The following LOC128092252 variants were observed in gnomAD, a reference collection of about 807,000 sequenced individuals.
At chr15:50,671,205 TCCCCA>T in the LOC128092252 span, among the ~76,000 whole-genome samples, 10 of 152,192 alleles carry the variant, frequency 6.6e-5, no homozygotes, top group African/African-American at 2.2e-4. Context: ...TCCCCAGCAA[TCCCCA>T]CCCAAGTCCC....
chr15:50,656,890 C>A, the LOC128092252 span, among the ~76,000 whole-genome samples: 4 of 152,140 alleles, frequency 2.6e-5, no homozygotes, highest in African/African-American at 4.8e-5. Context: ...TCTCATTAAG[C>A]CCTTCAAATA....
At chr15:50,652,206 G>A in the LOC128092252 span, among the ~76,000 whole-genome samples, 12 of 151,090 alleles carry the variant, frequency 7.9e-5, no homozygotes, top group Admixed American at 2.0e-4. Context: ...GGTGGTGGGC[G>A]CCTGTAATGC....
the LOC128092252 span, among the ~76,000 whole-genome samples, chr15:50,672,012 C>A: frequency 9.9e-5 from 15 of 152,210 alleles, no homozygotes; most frequent in Non-Finnish European, 1.5e-4. Context: ...CTAGACTACG[C>A]TTTTTATGGT....
chr15:50,674,915 T>C, the LOC128092252 span, among the ~76,000 whole-genome samples: 10 of 152,216 alleles, frequency 6.6e-5, no homozygotes, highest in African/African-American at 2.4e-4. Context: ...CAGAGTTGTT[T>C]CTCATTGGCA....
At chr15:50,680,872 T>C in the LOC128092252 span, among the ~76,000 whole-genome samples, 5 of 152,230 alleles carry the variant, frequency 3.3e-5, no homozygotes, top group African/African-American at 7.2e-5. Context: ...CTTGTGACCG[T>C]TGGCAAGTGA....
At chr15:50,675,564 C>G in the LOC128092252 span, among the ~76,000 whole-genome samples, 2 of 152,126 alleles carry the variant, frequency 1.3e-5, no homozygotes, top group Non-Finnish European at 2.9e-5. Flanking sequence ...TTGTAAATAT[C>G]ACCTAATGAT....
the LOC128092252 span, chr15:50,648,881 A>C: frequency 6.2e-7 from 1 of 1,603,348 alleles, no homozygotes; most frequent in African/African-American, 1.3e-5. Flanking sequence ...CGACCACAAA[A>C]ACACCTAAAA....
At chr15:50,652,738 A>G in the LOC128092252 span, among the ~76,000 whole-genome samples, 1 of 152,068 alleles carries the variant, frequency 6.6e-6, no homozygotes. Context: ...AAATAAAACC[A>G]GCCCGTAATT....
At chr15:50,658,714 A>T in the LOC128092252 span, among the ~76,000 whole-genome samples, 3 of 152,228 alleles carry the variant, frequency 2.0e-5, no homozygotes, top group Non-Finnish European at 4.4e-5. Context: ...CTCACACACT[A>T]ATTCCAGTTC....
chr15:50,661,657 A>G, the LOC128092252 span, among the ~76,000 whole-genome samples: 1 of 152,212 alleles, frequency 6.6e-6, no homozygotes, highest in African/African-American at 2.4e-5. Context: ...ATATAAAGAG[A>G]TATCAGTTAG....
chr15:50,678,240 AAAAAAAAAAAACAAAAAC>A, the LOC128092252 span, among the ~76,000 whole-genome samples: 2 of 56,840 alleles, frequency 3.5e-5, no homozygotes, highest in African/African-American at 1.1e-4. Flanking sequence ...ACTCTCTCTC[AAAAAAAAAAAACAAAAAC>A]AAAAACAAAA....
At chr15:50,686,383 C>G in the LOC128092252 span, 5 of 1,357,636 alleles carry the variant, frequency 3.7e-6, no homozygotes, top group South Asian at 2.4e-5. Context: ...ACACCCGTCC[C>G]GAGAGGACAA....
the LOC128092252 span, among the ~76,000 whole-genome samples, chr15:50,682,408 T>C: frequency 2.6e-3 from 398 of 151,836 alleles, 1 homozygote; most frequent in African/African-American, 9.2e-3. Context: ...TGAAACCCCA[T>C]CTCTACTAAA....
At chr15:50,654,307 C>T in the LOC128092252 span, among the ~76,000 whole-genome samples, 1 of 150,888 alleles carries the variant, frequency 6.6e-6, no homozygotes, top group Non-Finnish European at 1.5e-5. Context: ...ATTAGCTGGG[C>T]GTGGTGGTGT....
the LOC128092252 span, among the ~76,000 whole-genome samples, chr15:50,673,065 A>AGT: frequency 0.024 from 3,687 of 151,222 alleles, 142 homozygotes; most frequent in African/African-American, 0.086. Flanking sequence ...AGCTAGCGTT[A>AGT]ATTTATTATT....
At chr15:50,651,347 A>G in the LOC128092252 span, among the ~76,000 whole-genome samples, 1 of 152,364 alleles carries the variant, frequency 6.6e-6, no homozygotes, top group East Asian at 1.9e-4. Flanking sequence ...AGCTCCAACT[A>G]TTAAGACCAT....
At chr15:50,674,351 T>G in the LOC128092252 span, among the ~76,000 whole-genome samples, 1 of 151,824 alleles carries the variant, frequency 6.6e-6, no homozygotes, top group Non-Finnish European at 1.5e-5. Flanking sequence ...AGGCTTTTCT[T>G]GAACTCCTGA....
At chr15:50,670,709 C>A in the LOC128092252 span, among the ~76,000 whole-genome samples, 375 of 151,796 alleles carry the variant, frequency 2.5e-3, 2 homozygotes, top group African/African-American at 8.6e-3. Flanking sequence ...AAGTGGGCAA[C>A]CAGCAGCCCT....
chr15:50,686,641 C>G, the LOC128092252 span: 1 of 1,490,176 alleles, frequency 6.7e-7, no homozygotes, highest in Non-Finnish European at 9.0e-7. Flanking sequence ...CAGAGGCCGC[C>G]GGACAAGGAA....
Sources: gnomAD v4.1 joint callset for allele counts (sites outside exome capture counted in the v4.1 genomes callset) on GRCh38, gnomAD v4.1.1 for gene constraint, MANE v1.5 for transcripts.